DST: variants seen among roughly 807,000 people sequenced by gnomAD.
DST encodes dystonin, also known as bullous pemphigoid antigen.
DST carries 253 observed loss-of-function variants against 875.2 expected under a neutral mutation model. The observed-to-expected ratio is 0.29, with a 90% CI of 0.26 to 0.32. DST has a LOEUF of 0.32. DST is among the 10% of genes least tolerant of loss of function. The pLI, the probability that DST is intolerant of heterozygous loss-of-function variation, is 1.00. For synonymous variants in DST, 3,124 were observed against 3,197.1 expected, an observed-to-expected ratio of 0.98 and a Z score of 0.77; for missense variants, 8,287 against 9,111.6, an observed-to-expected ratio of 0.91 and a Z score of 3.68.
At chr6:56,788,652 C>T (rs2099709988) in intron 4 of DST, among the ~76,000 whole-genome samples, 1 of 152,146 alleles carries the variant, frequency 6.6e-6, no homozygotes, top group South Asian at 2.1e-4. Flanking sequence ...GTTATTTATA[C>T]ATGCAAACTA....
intron 2 of DST, among the ~76,000 whole-genome samples, chr6:56,952,764 G>A (rs1823002412): frequency 6.6e-6 from 1 of 151,976 alleles, no homozygotes; most frequent in African/African-American, 2.4e-5. Flanking sequence ...GTATCACACA[G>A]CTAGTTAATG....
intron 90 of DST, among the ~76,000 whole-genome samples, chr6:56,481,751 A>G (rs1219635997): frequency 6.6e-6 from 1 of 152,226 alleles, no homozygotes; most frequent in East Asian, 1.9e-4. Context: ...ATCTTGACCA[A>G]TTTTGGTCAA....
At chr6:56,705,574 A>G (rs1420735317) in intron 5 of DST, among the ~76,000 whole-genome samples, 1 of 152,194 alleles carries the variant, frequency 6.6e-6, no homozygotes, top group African/African-American at 2.4e-5. Flanking sequence ...GTTTTACAAT[A>G]TCTTTTGTTA....
Position 56,642,724 on chromosome 6 carries a change from C to G in DST, c.1779-221G>C, listed in dbSNP as rs749722200. On this transcript the variant is annotated intron_variant, in intron 15 of 103. Coordinates refer to ENST00000680361, the MANE Select transcript of DST (RefSeq NM_001374736.1). ...ATTTTCATTTGAATCAAGACTGGTT[C>G]GAGTGCTGGTAGTGTTACTAAACAC... 20 of 1,613,958 alleles carry G rather than the reference C, an allele frequency of 1.2e-5. No homozygotes were observed. The Admixed American group carries it at 3.2e-4, about 26-fold the overall frequency.
intron 12 of DST, among the ~76,000 whole-genome samples, chr6:56,650,481 T>C (rs2098969272): frequency 6.6e-6 from 1 of 152,198 alleles, no homozygotes; most frequent in Non-Finnish European, 1.5e-5. Context: ...AATTTTCCTC[T>C]GGAGTCCTCC....
Position 56,607,870 on chromosome 6 carries a change from A to C in DST, c.6758T>G (p.Val2253Gly), listed in dbSNP as rs755059237. The stretch of plus-strand genomic sequence containing the variant: ...AAGAAATACACCAGATGAGCTTAAG[A>C]CATCGAGACATTCTTTTATGGCTGT... ...GNTAIKECLD[V>G]LSSSGVFLNN... The change falls in exon 40 of 104, where the codon GTC (valine) becomes GGC (glycine). Residue 2253 changes from valine (V) to glycine (G), a missense_variant. This residue lies in a region of DST where 3,138 missense variants were observed against 3,116.6 expected (regional missense o/e 1.01). Transcript: ENST00000680361. The C allele has an allele frequency of 6.2e-7, 1 of 1,613,656 alleles. No individual in the cohort carries two copies. Among genetic ancestry groups the C allele is most frequent in the South Asian group, 1.1e-5 (1 of 91,080 alleles).
At position 56,632,895 on chromosome 6, in the gene DST, C is replaced by T; in HGVS notation, c.3764G>A (p.Cys1255Tyr). ...ITQLEKEVNVCKQYYQELLKS... is the reference protein window; with the variant it reads ...ITQLEKEVNVYKQYYQELLKS... ...AAGAAGTTCTTGATAATACTGCTTA[C>T]ATACATTAACCTCCTTTTCCAGTTG... The change falls in exon 28 of 104, where the codon TGT (cysteine) becomes TAT (tyrosine). Residue 1255 changes from cysteine (C) to tyrosine (Y), a missense_variant. By Grantham distance (194) the Cys-to-Tyr change is radical. This residue lies in a region of DST where 3,138 missense variants were observed against 3,116.6 expected (regional missense o/e 1.01). Transcript: ENST00000680361. The T allele has an allele frequency of 6.2e-7, 1 of 1,613,988 alleles. No homozygotes were observed. Among genetic ancestry groups the T allele is most frequent in the South Asian group, 1.1e-5 (1 of 91,078 alleles).
At chr6:56,815,739 A>G (rs1247085803) in intron 4 of DST, among the ~76,000 whole-genome samples, 1 of 152,226 alleles carries the variant, frequency 6.6e-6, no homozygotes, top group Non-Finnish European at 1.5e-5. Flanking sequence ...ATTATAAAAT[A>G]TTGTAAACAT....
At chr6:56,645,444 C>G (rs149716330) in intron 15 of DST, among the ~76,000 whole-genome samples, 2 of 152,234 alleles carry the variant, frequency 1.3e-5, no homozygotes, top group Non-Finnish European at 2.9e-5. Flanking sequence ...CATCCAACAC[C>G]CTTTAAATGA....
At chr6:56,474,141 TA>T (rs531012823) in intron 92 of DST, 139 bp from the exon 93 acceptor site, 29 of 751,366 alleles carry the variant, frequency 3.9e-5, no homozygotes, top group East Asian at 8.9e-5. Context: ...ATCTTTAGGG[TA>T]AAAAAAATCT....
intron 5 of DST, among the ~76,000 whole-genome samples, chr6:56,721,064 G>T (rs1226606034): frequency 6.8e-6 from 1 of 146,316 alleles, no homozygotes; most frequent in East Asian, 2.0e-4. Context: ...GGGCAGGGGC[G>T]CCCCCCCCAC....
Position 56,492,947 on chromosome 6 carries a change from A to G in DST, c.20537T>C (p.Ile6846Thr), listed in dbSNP as rs762395369. 17 of 1,607,774 alleles carry G rather than the reference A, an allele frequency of 1.1e-5. No homozygotes were observed. The highest frequency in any genetic ancestry group is 1.4e-5 in the Non-Finnish European group (17 of 1,176,904). The change falls in exon 84 of 104, where the codon ATT (isoleucine) becomes ACT (threonine). Residue 6846 changes from isoleucine (I) to threonine (T), a missense_variant. Transcript: ENST00000680361. ...CTCACTACATACCTTGTGTTCGTCA[A>G]TTTGAAATAAGACTGTGTCCAAGAT... is the stretch of plus-strand genomic sequence containing the variant. ...SLILDTVLFQ[I>T]DEHKVFANEV...
At chr6:56,837,367 A>G (rs551994216) in intron 4 of DST, among the ~76,000 whole-genome samples, 1 of 152,306 alleles carries the variant, frequency 6.6e-6, no homozygotes, top group Non-Finnish European at 1.5e-5. Context: ...AGAACCAACT[A>G]ATCGGCCATC....
intron 100 of DST, chr6:56,464,184 G>A: frequency 1.6e-5 from 5 of 307,546 alleles, no homozygotes; most frequent in South Asian, 6.5e-5. Context: ...GTACTATTGA[G>A]GTAAAGAGAA....
At chr6:56,805,104 T>A (rs2099751574) in intron 4 of DST, among the ~76,000 whole-genome samples, 1 of 152,104 alleles carries the variant, frequency 6.6e-6, no homozygotes, top group Non-Finnish European at 1.5e-5. Context: ...TCTAAACAAC[T>A]GACAGAGTTC....
At chr6:56,761,190 CA>C (rs1176613771) in intron 4 of DST, among the ~76,000 whole-genome samples, 2 of 152,236 alleles carry the variant, frequency 1.3e-5, no homozygotes, top group Admixed American at 6.5e-5. Flanking sequence ...ATCTTGGAAG[CA>C]GATCTTCCAG....
At chr6:56,571,923 A>C (rs2097787271) in intron 53 of DST, among the ~76,000 whole-genome samples, 177 bp downstream of exon 53, 1 of 152,218 alleles carries the variant, frequency 6.6e-6, no homozygotes, top group Admixed American at 6.5e-5. Context: ...GTTAAACCAA[A>C]TAATGCAGTT....
chr6:56,503,771 C>T lies in DST; in HGVS notation c.19566+226G>A, dbSNP rs192969449. ...GCATTTTCTGATTTTTCTATACGAA[C>T]AGTTATTAATTGACTATAAAAAGAA... On this transcript the variant is annotated intron_variant, in intron 78 of 103. Coordinates refer to ENST00000680361, the MANE Select transcript of DST (RefSeq NM_001374736.1). Among the ~76,000 whole-genome samples the T allele has an allele frequency of 2.7e-3, 405 of 152,100 alleles. 2 individuals carry two copies. Among genetic ancestry groups the T allele is most frequent in the Admixed American group, 5.8e-3 (88 of 15,248 alleles).
chr6:56,634,105 C>G (rs1295578660), intron 27 of DST, 27 bp downstream of exon 27: 1 of 1,611,910 alleles, frequency 6.2e-7, no homozygotes, highest in Non-Finnish European at 8.5e-7. Flanking sequence ...TTGGACATAT[C>G]GAGTTGACAT....
Sources: gnomAD v4.1 joint callset for allele counts (sites outside exome capture counted in the v4.1 genomes callset) on GRCh38, gnomAD v4.1.1 for gene constraint, gnomAD v4.1.1 regional missense constraint, MANE v1.5 for transcripts, NCBI Gene and HGNC (gene_info 2026-07-23, HGNC 2026-07-21) for gene names.